The following SCEL variants were observed in gnomAD, a reference collection of about 807,000 sequenced individuals.
The protein encoded by SCEL is sciellin.
Under a neutral mutation model 117.6 loss-of-function variants are expected in SCEL, and 113 were observed. The ratio of observed to expected loss-of-function variants is 0.96; its 90% CI spans 0.83 to 1.12. The LOEUF is 1.12. Ranked by LOEUF, SCEL falls within the 50% of genes most tolerant of loss-of-function variation. The pLI is 0.00. For missense variants in SCEL, 785 were observed against 810.8 expected (o/e 0.97, Z 0.39); for synonymous variants, 270 against 256.2 (o/e 1.05, Z -0.51).
intron 1 of SCEL, among the ~76,000 whole-genome samples, chr13:77,554,011 A>G (rs1593905131): frequency 1.3e-5 from 2 of 152,022 alleles, no homozygotes; most frequent in Admixed American, 6.6e-5. Context: ...TGATGAATAC[A>G]TTGGTTCTTA....
chr13:77,621,667 G>A (rs2089432045), intron 27 of SCEL, among the ~76,000 whole-genome samples: 2 of 152,166 alleles, frequency 1.3e-5, no homozygotes, highest in Non-Finnish European at 2.9e-5. Flanking sequence ...CCTGGTACAT[G>A]TTAGGTATTT....
At chr13:77,620,237 T>A (rs146660872) in intron 27 of SCEL, among the ~76,000 whole-genome samples, 2 of 152,248 alleles carry the variant, frequency 1.3e-5, no homozygotes, top group Non-Finnish European at 2.9e-5. Flanking sequence ...AACCATCTAT[T>A]TGAAAAAAGT....
At chr13:77,597,719 G>T (rs888635134) in intron 13 of SCEL, 130 bp downstream of exon 13, 2 of 487,472 alleles carry the variant, frequency 4.1e-6, no homozygotes, top group Admixed American at 9.0e-5. Context: ...TTGAATAAAA[G>T]CTTGCAGCAA....
intron 1 of SCEL, among the ~76,000 whole-genome samples, chr13:77,546,127 T>A (rs1324504485): frequency 6.6e-6 from 1 of 152,228 alleles, no homozygotes; most frequent in Admixed American, 6.5e-5. Flanking sequence ...CACTTCTGGC[T>A]GCAGTGTGTT....
At chr13:77,594,180 A>T (rs1458795295) in intron 12 of SCEL, among the ~76,000 whole-genome samples, 2 of 152,054 alleles carry the variant, frequency 1.3e-5, no homozygotes, top group Non-Finnish European at 2.9e-5. Flanking sequence ...CTTCCACTAA[A>T]CTATTATCAC....
intron 9 of SCEL, among the ~76,000 whole-genome samples, chr13:77,574,067 T>C (rs146509291): frequency 3.7e-4 from 57 of 152,366 alleles, no homozygotes; most frequent in African/African-American, 1.3e-3. Context: ...GATATATTTA[T>C]TACTTATTTA....
At chr13:77,617,893 T>C in intron 26 of SCEL, 31 bp downstream of exon 26, 1 of 1,587,440 alleles carries the variant, frequency 6.3e-7, no homozygotes, top group Non-Finnish European at 8.6e-7. Flanking sequence ...TTCATGTTTT[T>C]ATTTGTCTGT....
intron 8 of SCEL, among the ~76,000 whole-genome samples, chr13:77,569,784 C>T (rs536809244): frequency 2.0e-5 from 3 of 152,286 alleles, no homozygotes; most frequent in Admixed American, 6.5e-5. Flanking sequence ...CTCCTGAAAC[C>T]GGCCTGTATC....
intron 15 of SCEL, 176 bp downstream of exon 15, chr13:77,599,924 G>T: frequency 3.5e-6 from 2 of 574,730 alleles, no homozygotes; most frequent in East Asian, 2.8e-5. Context: ...CAATCTGGGT[G>T]ACCCTGGGCA....
intron 9 of SCEL, among the ~76,000 whole-genome samples, 193 bp from the exon 10 acceptor site, chr13:77,588,951 A>G (rs1048374333): frequency 6.6e-6 from 1 of 152,234 alleles, no homozygotes; most frequent in Non-Finnish European, 1.5e-5. Flanking sequence ...AACTTTAAAA[A>G]TACACATATT....
At position 77,571,712 on chromosome 13, in the gene SCEL, C is replaced by CATATATATATAT. The variant is rs35655886; in HGVS notation, c.480-404_480-393dup. On this transcript the variant is annotated intron_variant, in intron 8 of 32. Transcript: ENST00000349847. ...CTCAAAAATAAAAATAAAAATAAAA[C>CATATATATATAT]ATATATATATATATATATAGAGTAG... 2.6e-4 allele frequency among the ~76,000 whole-genome samples: 38 copies of CATATATATATAT among 145,126 alleles called. 1 individual carries two copies. The East Asian group carries it at 6.3e-3, about 24-fold the overall frequency.
chr13:77,613,537 C>T (rs2088816872), intron 23 of SCEL, among the ~76,000 whole-genome samples: 1 of 152,016 alleles, frequency 6.6e-6, no homozygotes, highest in Non-Finnish European at 1.5e-5. Context: ...TTGTTATGAA[C>T]ATGAGACAGA....
At chr13:77,642,272 A>G (rs1483987511) in intron 31 of SCEL, among the ~76,000 whole-genome samples, 1 of 152,138 alleles carries the variant, frequency 6.6e-6, no homozygotes, top group African/African-American at 2.4e-5. Context: ...CTGAAAGCCA[A>G]CCAATCAGTG....
intron 9 of SCEL, among the ~76,000 whole-genome samples, chr13:77,575,097 C>T (rs1178842962): frequency 6.6e-6 from 1 of 152,138 alleles, no homozygotes; most frequent in Admixed American, 6.5e-5. Context: ...CTCTCTGTAG[C>T]CCTTAACACC....
At chr13:77,621,059 A>G (rs992352248) in intron 27 of SCEL, among the ~76,000 whole-genome samples, 3 of 152,198 alleles carry the variant, frequency 2.0e-5, no homozygotes, top group Non-Finnish European at 4.4e-5. Flanking sequence ...GGTCCAAGAC[A>G]GTTCATCATA....
At chr13:77,571,708 A>G (rs1217313367) in intron 8 of SCEL, among the ~76,000 whole-genome samples, 2 of 101,026 alleles carry the variant, frequency 2.0e-5, no homozygotes, top group African/African-American at 3.8e-5. Flanking sequence ...AAATAAAAAT[A>G]AAACATATAT....
Position 77,570,097 on chromosome 13 carries a change from T to C in SCEL, c.479+646T>C, listed in dbSNP as rs1424524941. ...GTGATGCAAATGGAAAACAAGCATTTACAAACATCAGTGCTTTTAAATTTT... is the reference window on the plus strand; with the variant it reads ...GTGATGCAAATGGAAAACAAGCATTCACAAACATCAGTGCTTTTAAATTTT... On this transcript the variant is annotated intron_variant, in intron 8 of 32. Coordinates refer to ENST00000349847, the MANE Select transcript of SCEL (RefSeq NM_144777.3). 3.3e-5 allele frequency among the ~76,000 whole-genome samples: 5 copies of C among 152,232 alleles called. No individual in the cohort carries two copies. The East Asian group carries it at 9.6e-4, about 29-fold the overall frequency.
chr13:77,545,110 G>C (rs982702949), intron 1 of SCEL, among the ~76,000 whole-genome samples: 2 of 152,200 alleles, frequency 1.3e-5, no homozygotes, highest in East Asian at 1.9e-4. Context: ...CACATCTTTT[G>C]TCATAATATT....
chr13:77,596,523 G>A (rs1486139053), intron 12 of SCEL, among the ~76,000 whole-genome samples: 1 of 152,048 alleles, frequency 6.6e-6, no homozygotes, highest in Non-Finnish European at 1.5e-5. Context: ...TTACAAATGG[G>A]AAAATTAAGT....
Sources: gnomAD v4.1 joint callset for allele counts (sites outside exome capture counted in the v4.1 genomes callset) on GRCh38, gnomAD v4.1.1 for gene constraint, MANE v1.5 for transcripts, NCBI Gene and HGNC (gene_info 2026-07-23, HGNC 2026-07-21) for gene names.